The following FIGNL1 variants were observed in gnomAD, a reference collection of about 807,000 sequenced individuals.
The protein encoded by FIGNL1 is fidgetin-like protein 1.
In FIGNL1, 11 loss-of-function variants were observed where a neutral mutation model predicts 28.9. The ratio of observed to expected loss-of-function variants is 0.38; its 90% CI spans 0.24 to 0.63. FIGNL1 has a LOEUF of 0.63. FIGNL1 is among the 20% of genes least tolerant of loss of function. The pLI, the probability that FIGNL1 is intolerant of heterozygous loss-of-function variation, is 0.57. For synonymous variants in FIGNL1, 295 were observed against 276.5 expected (o/e 1.07, Z -0.66); for missense variants, 789 against 810.4 (o/e 0.97, Z 0.32).
At chr7:50,449,870 C>T (rs1585111550) in intron 1 of FIGNL1, 147 bp from the exon 2 acceptor site, 1 of 152,344 alleles carries the variant, frequency 6.6e-6, no homozygotes. Flanking sequence ...GGTATGAGCC[C>T]TTCTTTCTCA....
Position 50,449,127 on chromosome 7 carries a change from C to G in FIGNL1, c.-129G>C, listed in dbSNP as rs993024188. On this transcript the variant is annotated 5_prime_UTR_variant, in exon 2 of 4. Transcript: ENST00000433017. ...GAAATTTCTACCATACCTCAGAGTT[C>G]TAGTCACTGTTCTCAGAATAAACCC... The G allele has an allele frequency of 2.0e-5, 3 of 152,202 alleles. No homozygotes were observed. Among genetic ancestry groups the G allele is most frequent in the Non-Finnish European group, 4.4e-5 (3 of 68,026 alleles). The allele number at this position is 152,202 out of a possible 1,614,324, so 9.4% of individuals were successfully genotyped here. A position where few individuals can be genotyped will look rare whatever the true frequency, so the allele number is the denominator to read the frequency against.
chr7:50,445,238 G>A lies in FIGNL1; in HGVS notation c.*25C>T, dbSNP rs1820420602. On this transcript the variant is annotated 3_prime_UTR_variant, in exon 4 of 4. Coordinates refer to ENST00000433017, the MANE Select transcript of FIGNL1 (RefSeq NM_001287492.4). ...AAAATAAAGAAGACTGTACTACAGA[G>A]ATGCCTTGATTCCAAGTATCCCACT... 7.0e-7 allele frequency: 1 copy of A among 1,424,726 alleles called. No homozygotes were observed. Among genetic ancestry groups the A allele is most frequent in the Non-Finnish European group, 9.5e-7 (1 of 1,048,696 alleles). The allele number at this position is 1,424,726 out of a possible 1,614,324, so 88.3% of individuals were successfully genotyped here.
Position 50,445,544 on chromosome 7 carries a change from A to G in FIGNL1, c.1744T>C (p.Ser582Pro), listed in dbSNP as rs1356562933. 6.2e-7 allele frequency: 1 copy of G among 1,614,068 alleles called. No homozygotes were observed. Among genetic ancestry groups the G allele is most frequent in the African/African-American group, 1.3e-5 (1 of 74,926 alleles). ...ARKQIVINLM[S>P]KEQCCLSEEE... ...TCACTGAGGCAACACTGCTCTTTGG[A>G]CATTAGATTAATTACTATCTGTTTC... The change falls in exon 4 of 4, where the codon TCC (serine) becomes CCC (proline). Residue 582 changes from serine to proline, a missense_variant. Transcript: ENST00000433017.
Position 50,445,905 on chromosome 7 carries a change from T to C in FIGNL1, c.1383A>G (p.Thr461=). 2 of 1,614,144 alleles carry C rather than the reference T, an allele frequency of 1.2e-6. No individual in the cohort carries two copies. The highest frequency in any genetic ancestry group is 1.7e-6 in the Non-Finnish European group (2 of 1,180,040). ...AGGATGAAGCAGAGATGCTAAAGAA[T>C]GTTGCCCCAGACTGACTAGCAATGC... The part of the protein sequence containing the change: ...GKCIASQSGA[T]FFSISASSLT... Residue 461 remains threonine, a synonymous_variant, in exon 4 of 4, where the codon ACA becomes ACG. Transcript: ENST00000433017.
In FIGNL1 at chr7:50,445,996, C is replaced by T; in HGVS notation, c.1292G>A (p.Arg431Lys). 1 of 1,614,164 alleles carries T rather than the reference C, an allele frequency of 6.2e-7. No individual in the cohort carries two copies. Residue 431 changes from arginine to lysine, a missense_variant, in exon 4 of 4, where the codon AGG (arginine) becomes AAG (lysine). By Grantham distance (26) the Arg-to-Lys change is conservative (BLOSUM62 2). Transcript: ENST00000433017. ...GAGCAAAATTCCTTTAGGGGGTCCCCTTAAACCAGTAAAGATGTCTGGCCT... is the reference window on the plus strand; with the variant it reads ...GAGCAAAATTCCTTTAGGGGGTCCCTTTAAACCAGTAAAGATGTCTGGCCT... ...MLRPDIFTGL[R>K]GPPKGILLFG... is the part of the protein sequence containing the mutation.
chr7:50,447,235 T>C lies in FIGNL1; in HGVS notation c.53A>G (p.Tyr18Cys), dbSNP rs750385383. The C allele has an allele frequency of 5.0e-6, 8 of 1,611,098 alleles. No homozygotes were observed. Among genetic ancestry groups the C allele is most frequent in the Non-Finnish European group, 6.8e-6 (8 of 1,177,374 alleles). ...ACATATGCCAGATGTAATTGCGAAG[T>C]AATTCTTCTGCCATTCACTCAGGTG... ...SVHLSEWQKN[Y>C]FAITSGICTG... Residue 18 changes from tyrosine (Y) to cysteine (C), a missense_variant, in exon 4 of 4, where the codon TAC (tyrosine) becomes TGC (cysteine). By Grantham distance (194) the Tyr-to-Cys change is radical. Transcript: ENST00000433017.
rs201162351 is a variant in FIGNL1 at position 50,446,876 on chromosome 7, C to A, written c.412G>T (p.Val138Leu). 6.2e-7 allele frequency: 1 copy of A among 1,614,172 alleles called. No homozygotes were observed. Among genetic ancestry groups the A allele is most frequent in the Non-Finnish European group, 8.5e-7 (1 of 1,180,034 alleles). The change falls in exon 4 of 4, where the codon GTA (valine) becomes TTA (leucine). Residue 138 changes from valine (V) to leucine (L), a missense_variant. Physicochemically the swap from Val to Leu is conservative, Grantham distance 32. Transcript: ENST00000433017. ...SLLEPALASV[V>L]IHKEATVFDL... The stretch of plus-strand genomic sequence containing the variant: ...AAGACAGTGGCCTCCTTATGGATTA[C>A]CACTGATGCAAGAGCAGGTTCCAAC...
At chr7:50,448,475 C>A (rs1306775557) in intron 2 of FIGNL1, 186 bp from the exon 3 acceptor site, 5 of 152,190 alleles carry the variant, frequency 3.3e-5, no homozygotes, top group African/African-American at 1.2e-4. Flanking sequence ...ACAAGCTAGC[C>A]TACTAGGAAA....
rs2153530561 is a variant in FIGNL1 at position 50,449,628 on chromosome 7, G to A, written c.-630C>T. On this transcript the variant is annotated 5_prime_UTR_variant, in exon 2 of 4. Transcript: ENST00000433017. ...GCAAAACGGGAGTTAAGAGCACAGG[G>A]TCTGGAGCCAGGCTGCCTGCTTTCA... is the stretch of plus-strand genomic sequence containing the variant. 1 of 152,352 alleles carries A rather than the reference G, an allele frequency of 6.6e-6. No individual in the cohort carries two copies. The highest frequency in any genetic ancestry group is 2.4e-5 in the African/African-American group (1 of 41,580). The allele number at this position is 152,352 out of a possible 1,614,324, so 9.4% of individuals were successfully genotyped here.
intron 2 of FIGNL1, chr7:50,448,626 ATT>A (rs1185254817): frequency 6.6e-6 from 1 of 152,216 alleles, no homozygotes; most frequent in African/African-American, 2.4e-5. Flanking sequence ...TTTATGAAAA[ATT>A]TTTGTTTCCT....
At position 50,446,485 on chromosome 7, in the gene FIGNL1, GCATCAATGGTGCCAGAAC is replaced by G; in HGVS notation, c.785_802del (p.Gly262_Asp267del). On this transcript the variant is annotated inframe_deletion, in exon 4 of 4. Coordinates refer to ENST00000433017, the MANE Select transcript of FIGNL1 (RefSeq NM_001287492.4). Reference sequence around the variant, plus strand: ...CTTATTCAGTATTGGATTGGAAAGTGCATCAATGGTGCCAGAACCATAAAAAGACTTCCTCTGTGGATT... The same window carrying G: ...CTTATTCAGTATTGGATTGGAAAGTGCATAAAAAGACTTCCTCTGTGGATT... 1 of 1,614,178 alleles carries G rather than the reference GCATCAATGGTGCCAGAAC, an allele frequency of 6.2e-7. No homozygotes were observed. The highest frequency in any genetic ancestry group is 8.5e-7 in the Non-Finnish European group (1 of 1,180,042).
In FIGNL1 at chr7:50,446,889, A is replaced by G. The variant is rs746161573; in HGVS notation, c.399T>C (p.Ala133=). Residue 133 remains alanine (A), a synonymous_variant, in exon 4 of 4, where the codon GCT becomes GCC. Coordinates refer to ENST00000433017, the MANE Select transcript of FIGNL1 (RefSeq NM_001287492.4). ...KKFKDSLLEP[A]LASVVIHKEA... ...CCTTATGGATTACCACTGATGCAAG[A>G]GCAGGTTCCAACAGAGAGTCTTTGA... is the stretch of plus-strand genomic sequence containing the variant. 6 of 1,614,216 alleles carry G rather than the reference A, an allele frequency of 3.7e-6. No individual in the cohort carries two copies. The South Asian group carries it at 4.4e-5, about 12-fold the overall frequency.
In FIGNL1 at chr7:50,444,660, A is replaced by T. The variant is rs1820313688; in HGVS notation, c.*603T>A. ...ATGTTAAATATCACACGCTCCCGTG[A>T]AAATAACCAACATTCTTAATTAACC... On this transcript the variant is annotated 3_prime_UTR_variant, in exon 4 of 4. Transcript: ENST00000433017. 6.6e-6 allele frequency: 1 copy of T among 152,242 alleles called. No homozygotes were observed. The allele number at this position is 152,242 out of a possible 1,614,324, so 9.4% of individuals were successfully genotyped here.
chr7:50,445,990 G>T lies in FIGNL1; in HGVS notation c.1298C>A (p.Pro433His). The T allele has an allele frequency of 1.9e-6, 3 of 1,614,050 alleles. No individual in the cohort carries two copies. The highest frequency in any genetic ancestry group is 2.5e-6 in the Non-Finnish European group (3 of 1,179,998). ...ACCAAAGAGCAAAATTCCTTTAGGG[G>T]GTCCCCTTAAACCAGTAAAGATGTC... The part of the protein sequence containing the change: ...RPDIFTGLRG[P>H]PKGILLFGPP... The change falls in exon 4 of 4, where the codon CCC (proline) becomes CAC (histidine). Residue 433 changes from proline (P) to histidine (H), a missense_variant. Coordinates refer to ENST00000433017, the MANE Select transcript of FIGNL1 (RefSeq NM_001287492.4).
Position 50,445,210 on chromosome 7 carries a change from T to TAAAAAAA in FIGNL1, c.*52_*53insTTTTTTT. 1 of 1,179,606 alleles carries TAAAAAAA rather than the reference T, an allele frequency of 8.5e-7. No homozygotes were observed. The highest frequency in any genetic ancestry group is 2.5e-5 in the East Asian group (1 of 40,036). The allele number at this position is 1,179,606 out of a possible 1,614,324, so 73.1% of individuals were successfully genotyped here. ...TTAACACATCCCCAACTTTCTATGC[T>TAAAAAAA]AAAAAATAAAGAAGACTGTACTACA... is the stretch of plus-strand genomic sequence containing the variant. On this transcript the variant is annotated 3_prime_UTR_variant, in exon 4 of 4. Coordinates refer to ENST00000433017, the MANE Select transcript of FIGNL1 (RefSeq NM_001287492.4).
chr7:50,446,261 G>C lies in FIGNL1; in HGVS notation c.1027C>G (p.Pro343Ala), dbSNP rs773417221. The C allele has an allele frequency of 1.1e-5, 18 of 1,614,138 alleles. No individual in the cohort carries two copies. The highest frequency in any genetic ancestry group is 1.5e-5 in the Non-Finnish European group (18 of 1,180,044). ...TCTCCCCCATCTTGCTTGGGTATAG[G>C]AGGAACAAACTTTCCAAGTATCCCT... ...SRGILGKFVPPIPKQDGGEQN... is the reference protein window; with the variant it reads ...SRGILGKFVPAIPKQDGGEQN... The change falls in exon 4 of 4, where the codon CCT becomes GCT. Residue 343 changes from proline (P) to alanine (A), a missense_variant. Coordinates refer to ENST00000433017, the MANE Select transcript of FIGNL1 (RefSeq NM_001287492.4).
rs552758285 is a variant in FIGNL1, at chr7:50,449,664, C to G, written c.-666G>C. 3.9e-5 allele frequency: 6 copies of G among 152,244 alleles called. No homozygotes were observed. The highest frequency in any genetic ancestry group is 2.1e-4 in the South Asian group (1 of 4,832). The allele number at this position is 152,244 out of a possible 1,614,324, so 9.4% of individuals were successfully genotyped here. On this transcript the variant is annotated 5_prime_UTR_variant, in exon 2 of 4. Coordinates refer to ENST00000433017, the MANE Select transcript of FIGNL1 (RefSeq NM_001287492.4). The stretch of plus-strand genomic sequence containing the variant: ...GGCTGCCTGCTTTCAAATCCTGGCT[C>G]TATCATCTGCCAGCAGTGACTGCAG...
rs201042649 is a variant in FIGNL1, at chr7:50,445,399, G to A, written c.1889C>T (p.Thr630Ile). ...GGGTCGAACTTGATCCGGTGTTATG[G>A]TAGCAATGTCAGCAGTTTGTAAACT... ...IRSLQTADIATITPDQVRPIA... is the reference protein window; with the variant it reads ...IRSLQTADIAIITPDQVRPIA... Residue 630 changes from threonine to isoleucine, a missense_variant, in exon 4 of 4, where the codon ACC becomes ATC. Physicochemically the swap from Thr to Ile is moderately conservative, Grantham distance 89. Coordinates refer to ENST00000433017, the MANE Select transcript of FIGNL1 (RefSeq NM_001287492.4). The A allele has an allele frequency of 1.5e-5, 24 of 1,614,152 alleles. No individual in the cohort carries two copies. In the African/African-American group the frequency reaches 2.9e-4, roughly 20 times the overall value.
In FIGNL1 at chr7:50,445,697, C is replaced by T. The variant is rs1467973214; in HGVS notation, c.1591G>A (p.Ala531Thr). The T allele has an allele frequency of 1.2e-6, 2 of 1,614,028 alleles. No individual in the cohort carries two copies. Among genetic ancestry groups the T allele is most frequent in the African/African-American group, 2.7e-5 (2 of 74,932 alleles). Reference protein sequence around the residue: ...KTEFLVQLDGATTSSEDRILV... With the variant: ...KTEFLVQLDGTTTSSEDRILV... ...ATACGATCTTCAGAAGATGTTGTTG[C>T]TCCATCTAATTGAACTAAAAATTCT... Residue 531 changes from alanine (A) to threonine (T), a missense_variant, in exon 4 of 4, where the codon GCA becomes ACA. Physicochemically the swap from Ala to Thr is moderately conservative, Grantham distance 58. Coordinates refer to ENST00000433017, the MANE Select transcript of FIGNL1 (RefSeq NM_001287492.4).
Sources: allele counts gnomAD v4.1 joint callset, GRCh38; gene constraint gnomAD v4.1.1; transcripts MANE v1.5; gene names NCBI Gene and HGNC (gene_info 2026-07-23, HGNC 2026-07-21).